Variants in CSMD1 observed in about 807,000 individuals in gnomAD.
CSMD1 encodes the protein CUB and Sushi multiple domains 1.
CSMD1 carries 213 observed loss-of-function variants against 417.5 expected under a neutral mutation model. That is an observed-to-expected ratio of 0.51 (90% confidence interval 0.46 to 0.57). CSMD1 has a LOEUF of 0.57. Ranked by LOEUF, CSMD1 falls within the 20% of genes least tolerant of loss-of-function variation. The pLI is 0.00. For missense variants in CSMD1, 6,923 were observed against 4,529.7 expected (o/e 1.53, Z -15.17); for synonymous variants, 2,862 against 1,736.8 (o/e 1.65, Z -16.11).
chr8:4,023,632 G>C (rs937575648), intron 4 of CSMD1, among the ~76,000 whole-genome samples: 7 of 149,966 alleles, frequency 4.7e-5, no homozygotes, highest in Non-Finnish European at 7.4e-5. Context: ...TGTCGCCCAG[G>C]CTAGAGTGCA....
chr8:4,412,658 T>C (rs1160313657), intron 3 of CSMD1, among the ~76,000 whole-genome samples: 2 of 152,222 alleles, frequency 1.3e-5, no homozygotes, highest in East Asian at 3.8e-4. Context: ...GATTTTCTGA[T>C]GCTAAGATTT....
At chr8:3,453,052 G>A (rs1180339376) in intron 12 of CSMD1, among the ~76,000 whole-genome samples, 2 of 152,152 alleles carry the variant, frequency 1.3e-5, no homozygotes, top group Non-Finnish European at 1.5e-5. Flanking sequence ...TTGGGAGAGT[G>A]TATGTGTCGA....
At chr8:4,745,325 C>A (rs1018903429) in intron 1 of CSMD1, among the ~76,000 whole-genome samples, 9 of 152,000 alleles carry the variant, frequency 5.9e-5, no homozygotes, top group African/African-American at 2.2e-4. Context: ...GGTTTTATTA[C>A]TAAGAGAAAG....
At chr8:3,488,618 T>C (rs555654442) in intron 11 of CSMD1, among the ~76,000 whole-genome samples, 9 of 152,344 alleles carry the variant, frequency 5.9e-5, no homozygotes, top group African/African-American at 2.2e-4. Context: ...CAATGGCTTA[T>C]TCTCTCTCTG....
chr8:3,941,198 G>C (rs1810859101), intron 5 of CSMD1, among the ~76,000 whole-genome samples: 4 of 152,030 alleles, frequency 2.6e-5, no homozygotes. Flanking sequence ...AATTTAAATT[G>C]TGCTAGAGAA....
Position 4,447,704 on chromosome 8 carries a change from C to G in CSMD1, c.303-27639G>C, listed in dbSNP as rs536417576. 3.3e-5 allele frequency among the ~76,000 whole-genome samples: 5 copies of G among 152,252 alleles called. No individual in the cohort carries two copies. In the South Asian group the frequency reaches 6.2e-4, roughly 19 times the overall value. ...GACCTCTTGTTTTAGAAAGTGCACTCATAGTTAATAAAACCAAAATTAAGT... is the reference window on the plus strand; with the variant it reads ...GACCTCTTGTTTTAGAAAGTGCACTGATAGTTAATAAAACCAAAATTAAGT... On this transcript the variant is annotated intron_variant, in intron 2 of 69. Transcript: ENST00000635120.
chr8:4,557,224 C>G (rs531836537), intron 2 of CSMD1, among the ~76,000 whole-genome samples: 47 of 152,160 alleles, frequency 3.1e-4, no homozygotes, highest in Non-Finnish European at 6.6e-4. Context: ...TACCAGACAG[C>G]TACCCTCAGT....
chr8:4,141,170 G>C (rs541574742), intron 3 of CSMD1, among the ~76,000 whole-genome samples: 40 of 151,278 alleles, frequency 2.6e-4, no homozygotes, highest in Non-Finnish European at 7.4e-5. Context: ...GTCTCTCACA[G>C]TTTCAAAAAA....
At chr8:3,059,163 A>G (rs1003427976) in intron 49 of CSMD1, among the ~76,000 whole-genome samples, 1 of 152,012 alleles carries the variant, frequency 6.6e-6, no homozygotes, top group African/African-American at 2.4e-5. Flanking sequence ...GTATTTTAGC[A>G]CGACTATTAA....
chr8:3,209,541 G>A (rs1179674817), intron 30 of CSMD1, among the ~76,000 whole-genome samples: 1 of 151,988 alleles, frequency 6.6e-6, no homozygotes, highest in Non-Finnish European at 1.5e-5. Flanking sequence ...GGATGTTATT[G>A]ATCTCCTGAC....
chr8:3,711,160 CGA>C (rs753686522), intron 6 of CSMD1, among the ~76,000 whole-genome samples: 1 of 152,252 alleles, frequency 6.6e-6, no homozygotes, highest in East Asian at 1.9e-4. Flanking sequence ...GAGGGAGAAA[CGA>C]GAGACTGGAA....
At chr8:4,185,969 A>C (rs1458440280) in intron 3 of CSMD1, among the ~76,000 whole-genome samples, 1 of 152,160 alleles carries the variant, frequency 6.6e-6, no homozygotes, top group African/African-American at 2.4e-5. Flanking sequence ...GGAATACAGA[A>C]ATCATTCTTA....
At chr8:3,975,289 T>C (rs1813355793) in intron 5 of CSMD1, among the ~76,000 whole-genome samples, 1 of 152,216 alleles carries the variant, frequency 6.6e-6, no homozygotes, top group Non-Finnish European at 1.5e-5. Context: ...TATTTTATTT[T>C]ATACCTTTTT....
intron 49 of CSMD1, among the ~76,000 whole-genome samples, chr8:3,076,846 A>C (rs1406731307): frequency 1.3e-5 from 2 of 152,190 alleles, no homozygotes; most frequent in Non-Finnish European, 2.9e-5. Context: ...GTGTTGTCTC[A>C]TATGGGTATA....
intron 40 of CSMD1, 67 bp from the exon 41 acceptor site, chr8:3,142,741 A>T (rs964165325): frequency 2.3e-6 from 3 of 1,300,592 alleles, no homozygotes; most frequent in Non-Finnish European, 3.3e-6. Flanking sequence ...GCTCATAAAA[A>T]GGGACTGAAG....
chr8:3,205,042 T>C (rs1014242512), intron 31 of CSMD1, among the ~76,000 whole-genome samples: 5 of 152,210 alleles, frequency 3.3e-5, no homozygotes, highest in Non-Finnish European at 7.4e-5. Flanking sequence ...AGACTCTGCC[T>C]GCTTCTCCGT....
intron 1 of CSMD1, among the ~76,000 whole-genome samples, chr8:4,665,310 TG>T: frequency 6.6e-6 from 1 of 152,344 alleles, no homozygotes; most frequent in Non-Finnish European, 1.5e-5. Context: ...CTCCCTTTGC[TG>T]ACTTTGAAAT....
chr8:4,027,058 T>C (rs1478987740), intron 4 of CSMD1, among the ~76,000 whole-genome samples: 5 of 152,132 alleles, frequency 3.3e-5, no homozygotes, highest in African/African-American at 9.7e-5. Context: ...AAGAAGCAGA[T>C]AGTTCTCAGG....
intron 3 of CSMD1, among the ~76,000 whole-genome samples, chr8:4,401,496 AGAG>A (rs1320608475): frequency 6.6e-6 from 1 of 152,132 alleles, no homozygotes; most frequent in South Asian, 2.1e-4. Context: ...CCTCACCCAG[AGAG>A]GAGAACCTCC....
Sources: allele counts gnomAD v4.1 joint callset (sites outside exome capture counted in the v4.1 genomes callset), GRCh38; gene constraint gnomAD v4.1.1; transcripts MANE v1.5; gene names NCBI Gene and HGNC (gene_info 2026-07-23, HGNC 2026-07-21).